The following SYNPO2 variants were observed in gnomAD, a reference collection of about 807,000 sequenced individuals.
The protein encoded by SYNPO2 is synaptopodin 2, also known as synaptopodin-2.
In SYNPO2, 56 loss-of-function variants were observed where a neutral mutation model predicts 85.0. The observed-to-expected ratio is 0.66, with a 90% CI of 0.53 to 0.82. The LOEUF is 0.82. Among genes scored for constraint, SYNPO2 ranks in the 40% least tolerant of loss-of-function variants. SYNPO2 has a pLI of 0.00. For missense variants in SYNPO2, 1,575 were observed against 1,534.2 expected (o/e 1.03, Z -0.44); for synonymous variants, 602 against 591.1 (o/e 1.02, Z -0.27).
At chr4:118,860,745 C>A (rs1731593885) in intron 1 of SYNPO2, among the ~76,000 whole-genome samples, 1 of 151,888 alleles carries the variant, frequency 6.6e-6, no homozygotes, top group East Asian at 1.9e-4. Context: ...TTAGTAGATA[C>A]AGAATTTCAC....
intron 3 of SYNPO2, among the ~76,000 whole-genome samples, chr4:119,029,147 T>C (rs1458168848): frequency 1.3e-5 from 2 of 152,208 alleles, no homozygotes; most frequent in Admixed American, 6.5e-5. Flanking sequence ...TAGAAAACTT[T>C]GTAGCTAGAG....
chr4:118,959,930 T>C (rs1189123209), intron 1 of SYNPO2, among the ~76,000 whole-genome samples: 1 of 152,206 alleles, frequency 6.6e-6, no homozygotes, highest in East Asian at 1.9e-4. Flanking sequence ...TTTGCAGATG[T>C]AATTAATTAA....
chr4:118,865,934 T>C (rs1323932030), intron 1 of SYNPO2, among the ~76,000 whole-genome samples: 1 of 152,188 alleles, frequency 6.6e-6, no homozygotes, highest in African/African-American at 2.4e-5. Context: ...CTGCTGAGAA[T>C]GAATGTGGCT....
chr4:118,972,634 T>C (rs1219402325), intron 1 of SYNPO2, among the ~76,000 whole-genome samples: 1 of 152,186 alleles, frequency 6.6e-6, no homozygotes, highest in Admixed American at 6.5e-5. Flanking sequence ...GCTAGCTTTG[T>C]TTTTTCTCCA....
chr4:118,905,329 A>G (rs938243027), intron 1 of SYNPO2, among the ~76,000 whole-genome samples: 1 of 151,904 alleles, frequency 6.6e-6, no homozygotes, highest in African/African-American at 2.4e-5. Flanking sequence ...TTCTTTCTTT[A>G]TCTAGATTTT....
intron 1 of SYNPO2, among the ~76,000 whole-genome samples, chr4:118,905,215 T>C (rs1732892366): frequency 1.3e-5 from 2 of 152,206 alleles, no homozygotes; most frequent in South Asian, 4.1e-4. Flanking sequence ...TTCCATTATG[T>C]TCTTCATGAT....
At chr4:118,918,782 A>C (rs1027311173) in intron 1 of SYNPO2, among the ~76,000 whole-genome samples, 6 of 152,188 alleles carry the variant, frequency 3.9e-5, no homozygotes, top group Admixed American at 6.5e-5. Context: ...TTTCAAACTC[A>C]ATATTGCTAG....
intron 1 of SYNPO2, among the ~76,000 whole-genome samples, chr4:119,005,246 T>G (rs1736989621): frequency 6.6e-6 from 1 of 152,224 alleles, no homozygotes; most frequent in Admixed American, 6.5e-5. Context: ...ATCCCATTTG[T>G]CAATTTTGGC....
At chr4:119,056,114 T>G (rs1241809360) in intron 4 of SYNPO2, among the ~76,000 whole-genome samples, 1 of 152,226 alleles carries the variant, frequency 6.6e-6, no homozygotes, top group Non-Finnish European at 1.5e-5. Context: ...GTGTACCCTT[T>G]CTGCGTTTTT....
At chr4:119,021,954 A>C (rs1431623849) in intron 1 of SYNPO2, among the ~76,000 whole-genome samples, 1 of 152,218 alleles carries the variant, frequency 6.6e-6, no homozygotes, top group Admixed American at 6.5e-5. Flanking sequence ...TACTGGAGTA[A>C]GAATATTCCA....
intron 1 of SYNPO2, among the ~76,000 whole-genome samples, chr4:118,984,848 C>T (rs189737182): frequency 6.6e-6 from 1 of 152,288 alleles, no homozygotes; most frequent in East Asian, 1.9e-4. Context: ...ATGATGGATA[C>T]TTGGGAAGTG....
At chr4:118,966,594 T>C (rs933582840) in intron 1 of SYNPO2, among the ~76,000 whole-genome samples, 7 of 152,178 alleles carry the variant, frequency 4.6e-5, no homozygotes, top group Admixed American at 1.3e-4. Context: ...TGCTGCTAGT[T>C]CATATGAAGC....
At chr4:118,927,430 G>A (rs1414702690) in intron 1 of SYNPO2, among the ~76,000 whole-genome samples, 2 of 152,086 alleles carry the variant, frequency 1.3e-5, no homozygotes, top group Non-Finnish European at 1.5e-5. Context: ...GGAAACTGAG[G>A]CCTAGAAAAG....
chr4:118,864,603 T>G (rs2110567820), intron 1 of SYNPO2, among the ~76,000 whole-genome samples: 1 of 152,342 alleles, frequency 6.6e-6, no homozygotes, highest in East Asian at 1.9e-4. Flanking sequence ...AATATTTGCT[T>G]TATATATCCG....
intron 4 of SYNPO2, chr4:119,032,643 G>A (rs1278175987): frequency 1.6e-5 from 16 of 987,242 alleles, no homozygotes; most frequent in Middle Eastern, 1.0e-3. Context: ...AAGAAAGAGG[G>A]TCTTAATTAC....
chr4:119,038,642 C>A, intron 4 of SYNPO2: 1 of 837,910 alleles, frequency 1.2e-6, no homozygotes, highest in Non-Finnish European at 1.4e-6. Context: ...TAAGGCATTT[C>A]AACAAGAATA....
At chr4:118,941,858 C>T (rs1368722065) in intron 1 of SYNPO2, among the ~76,000 whole-genome samples, 2 of 152,200 alleles carry the variant, frequency 1.3e-5, no homozygotes, top group African/African-American at 4.8e-5. Flanking sequence ...CAGAGGCCAC[C>T]GCCTTTACTG....
At chr4:118,943,083 G>A (rs996488471) in intron 1 of SYNPO2, among the ~76,000 whole-genome samples, 2 of 151,694 alleles carry the variant, frequency 1.3e-5, no homozygotes, top group African/African-American at 2.4e-5. Flanking sequence ...CTCCAGCTTG[G>A]GTGACAGAGC....
chr4:118,976,295 G>A (rs1271551532), intron 1 of SYNPO2, among the ~76,000 whole-genome samples: 10 of 152,036 alleles, frequency 6.6e-5, no homozygotes, highest in African/African-American at 1.4e-4. Context: ...TTAAGGCAGC[G>A]CGTCTGGAGT....
Sources: gnomAD v4.1 joint callset for allele counts (sites outside exome capture counted in the v4.1 genomes callset) on GRCh38, gnomAD v4.1.1 for gene constraint, MANE v1.5 for transcripts, NCBI Gene and HGNC (gene_info 2026-07-23, HGNC 2026-07-21) for gene names.